KCNMA1: variants seen among roughly 807,000 people sequenced by gnomAD.
KCNMA1 encodes the protein Calcium-activated potassium channel subunit alpha-1.
In KCNMA1, 29 loss-of-function variants were observed where a neutral mutation model predicts 140.0. The observed-to-expected ratio is 0.21, with a 90% CI of 0.15 to 0.28. The LOEUF is 0.28. Ranked by LOEUF, KCNMA1 falls within the 10% of genes least tolerant of loss-of-function variation. KCNMA1 has a pLI of 1.00. For synonymous variants in KCNMA1, 612 were observed against 611.9 expected (o/e 1.00, Z 0.00); for missense variants, 880 against 1,602.2 (o/e 0.55, Z 7.70).
chr10:77,243,213 C>T (rs2057730785), intron 3 of KCNMA1, among the ~76,000 whole-genome samples: 1 of 144,698 alleles, frequency 6.9e-6, no homozygotes, highest in African/African-American at 2.5e-5. Flanking sequence ...CACACCACAC[C>T]CCTACCACAG....
chr10:77,050,431 T>C (rs989664534), intron 14 of KCNMA1, among the ~76,000 whole-genome samples: 6 of 152,194 alleles, frequency 3.9e-5, no homozygotes, highest in Non-Finnish European at 8.8e-5. Flanking sequence ...ATCTTTACTA[T>C]TTTAGACAGT....
intron 9 of KCNMA1, among the ~76,000 whole-genome samples, chr10:77,101,084 T>G (rs192018720): frequency 1.3e-5 from 2 of 152,230 alleles, no homozygotes; most frequent in East Asian, 3.9e-4. Flanking sequence ...CAAGTCTCTT[T>G]AAATAGAGCT....
At chr10:77,336,463 GA>G (rs879919734) in intron 2 of KCNMA1, among the ~76,000 whole-genome samples, 8 of 143,878 alleles carry the variant, frequency 5.6e-5, no homozygotes, top group South Asian at 2.2e-4. Flanking sequence ...TGCAAAGAAA[GA>G]AAAAAAAAAG....
In KCNMA1 at chr10:77,095,887, T is replaced by C. The variant is rs149176435; in HGVS notation, c.1224-5377A>G. Among the ~76,000 whole-genome samples, 230 of 152,288 alleles carry C rather than the reference T, an allele frequency of 1.5e-3. 7 individuals carry two copies. The East Asian group carries it at 0.036, about 24-fold the overall frequency. Reference sequence around the variant, plus strand: ...CAGAAGAGGACAGGAGGGCAGTGACTGAGGCATCAAGAGAGCCACTGAAGA... The same window carrying C: ...CAGAAGAGGACAGGAGGGCAGTGACCGAGGCATCAAGAGAGCCACTGAAGA... On this transcript the variant is annotated intron_variant, in intron 9 of 27. Transcript: ENST00000286628.
chr10:77,059,076 T>C (rs954943729), intron 14 of KCNMA1, among the ~76,000 whole-genome samples: 3 of 151,974 alleles, frequency 2.0e-5, no homozygotes, highest in African/African-American at 7.2e-5. Flanking sequence ...TGAATAACTC[T>C]ACATACATAA....
intron 1 of KCNMA1, among the ~76,000 whole-genome samples, chr10:77,490,489 T>G (rs112735703): frequency 4.5e-4 from 69 of 152,330 alleles, no homozygotes; most frequent in African/African-American, 1.3e-3. Flanking sequence ...AATGATTTAC[T>G]GGAACTTCTT....
chr10:77,097,673 CCTGA>C (rs1213347831), intron 9 of KCNMA1, among the ~76,000 whole-genome samples: 1 of 152,050 alleles, frequency 6.6e-6, no homozygotes, highest in Non-Finnish European at 1.5e-5. Context: ...AACCCCAAAC[CCTGA>C]CTATCACCAT....
At chr10:76,991,692 A>C (rs1352840083) in intron 19 of KCNMA1, among the ~76,000 whole-genome samples, 2 of 152,160 alleles carry the variant, frequency 1.3e-5, no homozygotes, top group Admixed American at 6.5e-5. Flanking sequence ...TTCCTATTCA[A>C]GTACTCTTGC....
chr10:77,048,108 C>CAATAAATAAACAAATAAATA lies in KCNMA1; in HGVS notation c.1750-8472_1750-8471insTATTTATTTGTTTATTTATT, dbSNP rs1555173281. Among the ~76,000 whole-genome samples, 271 of 143,658 alleles carry CAATAAATAAACAAATAAATA rather than the reference C, an allele frequency of 1.9e-3. 6 individuals carry two copies. Among genetic ancestry groups the CAATAAATAAACAAATAAATA allele is most frequent in the Admixed American group, 0.016 (234 of 14,342 alleles). The allele number at this position is 143,658 out of a possible 152,430, so 94.2% of individuals were successfully genotyped here. A position where few individuals can be genotyped will look rare whatever the true frequency, so the allele number is the denominator to read the frequency against. On this transcript the variant is annotated intron_variant, in intron 14 of 27. Transcript: ENST00000286628. ...GACCTGTCTGGACAACATGATGAGACAATAAATAAATAAATAAATAAATAA... is the reference window on the plus strand; with the variant it reads ...GACCTGTCTGGACAACATGATGAGACAATAAATAAACAAATAAATAAATAAATAAATAAATAAATAAATAA...
At chr10:77,111,489 T>G (rs2097322536) in intron 7 of KCNMA1, among the ~76,000 whole-genome samples, 1 of 152,180 alleles carries the variant, frequency 6.6e-6, no homozygotes, top group African/African-American at 2.4e-5. Context: ...TCGTGCTTGG[T>G]TACAGCAAGA....
intron 3 of KCNMA1, among the ~76,000 whole-genome samples, chr10:77,199,603 A>C (rs993129245): frequency 1.3e-5 from 2 of 152,208 alleles, no homozygotes; most frequent in Non-Finnish European, 2.9e-5. Context: ...TATTATGATC[A>C]GTAGTACTCA....
At chr10:76,928,777 C>T (rs989658009) in intron 23 of KCNMA1, among the ~76,000 whole-genome samples, 4 of 152,254 alleles carry the variant, frequency 2.6e-5, no homozygotes, top group African/African-American at 4.8e-5. Flanking sequence ...CGCCATCCCT[C>T]GTGTGCCATC....
At chr10:77,128,363 AT>A (rs2097784189) in intron 5 of KCNMA1, among the ~76,000 whole-genome samples, 1 of 143,620 alleles carries the variant, frequency 7.0e-6, no homozygotes. Flanking sequence ...TTTTTTTAAA[AT>A]TTTTTTGGCC....
At chr10:77,283,596 T>C (rs1197627838) in intron 2 of KCNMA1, among the ~76,000 whole-genome samples, 1 of 152,172 alleles carries the variant, frequency 6.6e-6, no homozygotes, top group African/African-American at 2.4e-5. Flanking sequence ...GTCTCTGAAT[T>C]TGATGAGGTG....
intron 1 of KCNMA1, among the ~76,000 whole-genome samples, chr10:77,424,976 C>G (rs1435759943): frequency 6.6e-6 from 1 of 152,210 alleles, no homozygotes; most frequent in Admixed American, 6.5e-5. Context: ...CAACTGTGCT[C>G]GTTGTCTACA....
At chr10:77,527,795 G>A (rs1370460517) in intron 1 of KCNMA1, among the ~76,000 whole-genome samples, 6 of 152,166 alleles carry the variant, frequency 3.9e-5, no homozygotes, top group Admixed American at 3.9e-4. Flanking sequence ...AAGAACACAG[G>A]GTGGAGGGTG....
chr10:77,280,751 A>G (rs1360187629), intron 2 of KCNMA1, among the ~76,000 whole-genome samples: 1 of 150,794 alleles, frequency 6.6e-6, no homozygotes, highest in Middle Eastern at 3.2e-3. Flanking sequence ...CTGGTCTCGA[A>G]TTCCTGGGCT....
At chr10:76,979,597 G>T (rs2153225742) in intron 19 of KCNMA1, 1 of 152,070 alleles carries the variant, frequency 6.6e-6, no homozygotes, top group African/African-American at 2.4e-5. Flanking sequence ...CAATGATTGT[G>T]ATATTTAAAG....
chr10:77,628,978 A>G (rs2092870411), intron 1 of KCNMA1, among the ~76,000 whole-genome samples: 1 of 152,224 alleles, frequency 6.6e-6, no homozygotes, highest in Admixed American at 6.5e-5. Flanking sequence ...CTGAGTCCCC[A>G]AGAAAATCTG....
Sources: gnomAD v4.1 joint callset for allele counts (sites outside exome capture counted in the v4.1 genomes callset) on GRCh38, gnomAD v4.1.1 for gene constraint, MANE v1.5 for transcripts, NCBI Gene and HGNC (gene_info 2026-07-23, HGNC 2026-07-21) for gene names.